FOXP2: variants seen among roughly 807,000 people sequenced by gnomAD.
The protein encoded by FOXP2 is forkhead box P2, also known as forkhead box protein P2.
Under a neutral mutation model 115.8 loss-of-function variants are expected in FOXP2, and 12 were observed. The observed-to-expected ratio is 0.10, with a 90% CI of 0.07 to 0.17. The LOEUF is 0.17. Ranked by LOEUF, FOXP2 falls within the 10% of genes least tolerant of loss-of-function variation. FOXP2 has a pLI of 1.00. For synonymous variants in FOXP2, 328 were observed against 297.7 expected, an observed-to-expected ratio of 1.10 and a Z score of -1.05; for missense variants, 629 against 843.5, an observed-to-expected ratio of 0.75 and a Z score of 3.15.
rs144566822 is a variant in FOXP2 at position 114,308,187 on chromosome 7, T to C, written c.-11+20078T>C. 2.2e-3 allele frequency among the ~76,000 whole-genome samples: 328 copies of C among 152,278 alleles called. 3 individuals are homozygous for C. The highest frequency in any genetic ancestry group is 7.7e-3 in the African/African-American group (322 of 41,570). Reference sequence around the variant, plus strand: ...TTTATCTTAAAGGGCAAGATGGGAATAGAAGAAGAACTTTTGTACAAAATA... The same window carrying C: ...TTTATCTTAAAGGGCAAGATGGGAACAGAAGAAGAACTTTTGTACAAAATA... On this transcript the variant is annotated intron_variant, in intron 2 of 17. Transcript: ENST00000634411.
At chr7:114,110,006 C>A (rs1367768297) in intron 1 of FOXP2, among the ~76,000 whole-genome samples, 3 of 152,022 alleles carry the variant, frequency 2.0e-5, no homozygotes, top group African/African-American at 7.2e-5. Flanking sequence ...TTAACAACAA[C>A]AAAAAAAGTC....
chr7:114,690,169 T>A lies in FOXP2; in HGVS notation c.*243T>A. 1.9e-6 allele frequency: 1 copy of A among 518,044 alleles called. No individual in the cohort carries two copies. The highest frequency in any genetic ancestry group is 3.5e-6 in the Non-Finnish European group (1 of 283,006). 32.1% of individuals were successfully genotyped at this position (518,044 alleles called of 1,614,324 possible). Reference sequence around the variant, plus strand: ...TTTAGAAAAAAAGACAAAAACTGATTTTCTTGAAAAAAAAAAATGAACTGT... The same window carrying A: ...TTTAGAAAAAAAGACAAAAACTGATATTCTTGAAAAAAAAAAATGAACTGT... On this transcript the variant is annotated 3_prime_UTR_variant, in exon 17 of 17. Transcript: ENST00000350908.
intron 7 of FOXP2, among the ~76,000 whole-genome samples, chr7:114,644,344 G>A (rs2129334297): frequency 6.6e-6 from 1 of 152,052 alleles, no homozygotes; most frequent in African/African-American, 2.4e-5. Context: ...TGAAAATAAA[G>A]GTTTTTTTCA....
chr7:114,505,740 T>C (rs528464729), intron 2 of FOXP2, among the ~76,000 whole-genome samples: 1 of 151,374 alleles, frequency 6.6e-6, no homozygotes, highest in Non-Finnish European at 1.5e-5. Flanking sequence ...ATCTATAGGG[T>C]TTTTGTGTGT....
intron 1 of FOXP2, among the ~76,000 whole-genome samples, chr7:114,276,825 G>T (rs1796201406): frequency 6.6e-6 from 1 of 152,082 alleles, no homozygotes; most frequent in Non-Finnish European, 1.5e-5. Flanking sequence ...TTCTTGTTAG[G>T]GTGGAGTGGT....
chr7:114,669,174 C>A (rs1193007529), intron 16 of FOXP2: 2 of 151,906 alleles, frequency 1.3e-5, no homozygotes, highest in African/African-American at 4.8e-5. Flanking sequence ...ATCATCTCAA[C>A]CTTGTTAAAT....
intron 2 of FOXP2, among the ~76,000 whole-genome samples, chr7:114,443,375 C>A (rs1794692815): frequency 6.6e-6 from 1 of 152,156 alleles, no homozygotes; most frequent in African/African-American, 2.4e-5. Context: ...TACAAATATG[C>A]ATCTCTTCTC....
intron 2 of FOXP2, among the ~76,000 whole-genome samples, chr7:114,307,524 C>T (rs926133398): frequency 1.3e-5 from 2 of 152,142 alleles, no homozygotes; most frequent in African/African-American, 4.8e-5. Flanking sequence ...GGCCCTTTCT[C>T]CTTTATATAC....
intron 2 of FOXP2, among the ~76,000 whole-genome samples, chr7:114,330,346 C>T (rs911384001): frequency 1.3e-5 from 2 of 151,520 alleles, no homozygotes; most frequent in African/African-American, 2.4e-5. Context: ...AGAAATATTA[C>T]GTGAGGCTGG....
chr7:114,689,559 C>T (rs1290657520), intron 16 of FOXP2, among the ~76,000 whole-genome samples: 1 of 152,138 alleles, frequency 6.6e-6, no homozygotes, highest in African/African-American at 2.4e-5. Context: ...AACAGCACAG[C>T]ATGTGGGAGT....
Position 114,693,517 on chromosome 7 carries a change from T to G in FOXP2, c.*3591T>G. 2.2e-6 allele frequency: 1 copy of G among 452,930 alleles called. No homozygotes were observed. 28.1% of individuals were successfully genotyped at this position (452,930 alleles called of 1,614,324 possible). ...TTGGACAATAGCTTTATTAAGTCTA[T>G]AAAGCTATTGAAAGGAACATGGCTT... is the stretch of plus-strand genomic sequence containing the variant. On this transcript the variant is annotated 3_prime_UTR_variant, in exon 17 of 17. Coordinates refer to ENST00000350908, the MANE Select transcript of FOXP2 (RefSeq NM_014491.4).
chr7:114,588,237 G>T (rs990305751), intron 3 of FOXP2, among the ~76,000 whole-genome samples: 6 of 151,922 alleles, frequency 3.9e-5, no homozygotes, highest in Non-Finnish European at 8.8e-5. Context: ...AACCTGAGAG[G>T]CGGAGGTTGC....
At chr7:114,465,065 ATT>A (rs890768153) in intron 2 of FOXP2, among the ~76,000 whole-genome samples, 31 of 152,204 alleles carry the variant, frequency 2.0e-4, no homozygotes, top group Non-Finnish European at 5.9e-5. Flanking sequence ...ATTATAGTTG[ATT>A]TAGGTAAGCT....
chr7:114,687,658 T>C (rs967204874), intron 16 of FOXP2, among the ~76,000 whole-genome samples: 1 of 152,206 alleles, frequency 6.6e-6, no homozygotes, highest in African/African-American at 2.4e-5. Context: ...TAGACTCATT[T>C]GTCTCTCTTT....
intron 2 of FOXP2, among the ~76,000 whole-genome samples, chr7:114,399,114 C>CTT (rs66789053): frequency 0.082 from 11,580 of 141,334 alleles, 527 homozygotes; most frequent in Middle Eastern, 0.17. Context: ...TTTTCTTTTT[C>CTT]TTTTTTTTTT....
chr7:114,468,460 AT>A (rs1795905838), intron 2 of FOXP2, among the ~76,000 whole-genome samples: 1 of 152,106 alleles, frequency 6.6e-6, no homozygotes, highest in Non-Finnish European at 1.5e-5. Context: ...ACATCTTTTA[AT>A]GATTTAGTGC....
intron 2 of FOXP2, among the ~76,000 whole-genome samples, chr7:114,517,639 G>C (rs1233277664): frequency 6.6e-6 from 1 of 152,108 alleles, no homozygotes; most frequent in Non-Finnish European, 1.5e-5. Flanking sequence ...GACTGTAAGT[G>C]CATGGATTTA....
chr7:114,216,215 C>T (rs549059779), intron 1 of FOXP2, among the ~76,000 whole-genome samples: 7 of 152,136 alleles, frequency 4.6e-5, no homozygotes, highest in African/African-American at 1.7e-4. Context: ...GATCAAAAGT[C>T]GCCTCATGAA....
chr7:114,126,121 G>A (rs1423127650), intron 1 of FOXP2, among the ~76,000 whole-genome samples: 1 of 152,078 alleles, frequency 6.6e-6, no homozygotes, highest in Non-Finnish European at 1.5e-5. Flanking sequence ...TAATTAAAAT[G>A]CAAGACCAAG....
Sources: allele counts gnomAD v4.1 joint callset (sites outside exome capture counted in the v4.1 genomes callset), GRCh38; gene constraint gnomAD v4.1.1; transcripts MANE v1.5; gene names NCBI Gene and HGNC (gene_info 2026-07-23, HGNC 2026-07-21).